Variants in CTIF observed in about 807,000 individuals in gnomAD.
CTIF encodes the protein CBP80/20-dependent translation initiation factor.
A neutral mutation model predicts 66.0 loss-of-function variants in CTIF; 21 were observed. The ratio of observed to expected loss-of-function variants is 0.32; its 90% confidence interval spans 0.23 to 0.46. The LOEUF is 0.46. Ranked by LOEUF, CTIF falls within the 20% of genes least tolerant of loss-of-function variation. The pLI is 1.00. For missense variants in CTIF, 739 were observed against 812.7 expected (o/e 0.91, Z 1.10); for synonymous variants, 345 against 326.4 (o/e 1.06, Z -0.62).
At chr18:48,576,841 T>C (rs2089544136) in intron 1 of CTIF, among the ~76,000 whole-genome samples, 1 of 152,268 alleles carries the variant, frequency 6.6e-6, no homozygotes, top group South Asian at 2.1e-4. Flanking sequence ...GCTTGTCTTT[T>C]GTGTGGTTTT....
Position 48,811,574 on chromosome 18 carries a change from C to G in CTIF, c.1372-5647C>G, listed in dbSNP as rs575306174. Among the ~76,000 whole-genome samples the G allele has an allele frequency of 3.3e-5, 5 of 152,310 alleles. No individual in the cohort carries two copies. In the East Asian group the frequency reaches 5.8e-4, roughly 18 times the overall value. ...ATTAACCCCCCATGTCCCCTGCTCC[C>G]CAGCTCCTTGTAACCACCATTCTAC... On this transcript the variant is annotated intron_variant, in intron 9 of 11. Coordinates refer to ENST00000256413, the MANE Select transcript of CTIF (RefSeq NM_014772.3).
intron 10 of CTIF, among the ~76,000 whole-genome samples, chr18:48,856,850 G>A (rs1342240128): frequency 3.3e-5 from 5 of 152,206 alleles, no homozygotes; most frequent in Admixed American, 3.3e-4. Flanking sequence ...CACAATTCTG[G>A]GGATATCCTA....
At chr18:48,839,305 C>T (rs2068884734) in intron 10 of CTIF, among the ~76,000 whole-genome samples, 1 of 152,142 alleles carries the variant, frequency 6.6e-6, no homozygotes, top group African/African-American at 2.4e-5. Flanking sequence ...ACCCCACTCT[C>T]CTGGCTGTAG....
intron 9 of CTIF, among the ~76,000 whole-genome samples, chr18:48,786,209 G>A (rs4561537): frequency 0.093 from 14,206 of 152,196 alleles, 770 homozygotes; most frequent in African/African-American, 0.12. Flanking sequence ...TGTTCCTGGC[G>A]TTTGGGAGGG....
chr18:48,632,360 G>C (rs966387241), intron 2 of CTIF, among the ~76,000 whole-genome samples: 1 of 152,184 alleles, frequency 6.6e-6, no homozygotes, highest in African/African-American at 2.4e-5. Context: ...TCCTGCTGGG[G>C]GTTGTGCCCG....
At chr18:48,802,381 G>T (rs1488676092) in intron 9 of CTIF, among the ~76,000 whole-genome samples, 1 of 152,258 alleles carries the variant, frequency 6.6e-6, no homozygotes, top group Non-Finnish European at 1.5e-5. Context: ...GAATTCTGCA[G>T]AGACAACAAC....
intron 1 of CTIF, among the ~76,000 whole-genome samples, chr18:48,579,024 G>A (rs929831877): frequency 3.9e-5 from 6 of 152,044 alleles, no homozygotes; most frequent in Admixed American, 2.6e-4. Flanking sequence ...TTTTGTATAT[G>A]TTGTGAGCTA....
In CTIF at chr18:48,862,981, A is replaced by AAGAC. The variant is rs1045322632; in HGVS notation, c.*3424_*3427dup. ...TTGAGGACACAGATCAGAAGAAAGA[A>AAGAC]AGACAACTTTCCTCTGCGCGGAACA... On this transcript the variant is annotated 3_prime_UTR_variant, in exon 12 of 12. Transcript: ENST00000256413. The AAGAC allele has an allele frequency of 2.0e-5, 3 of 152,256 alleles. No individual in the cohort carries two copies. The highest frequency in any genetic ancestry group is 4.8e-5 in the African/African-American group (2 of 41,460). The allele number at this position is 152,256 out of a possible 1,614,324, so 9.4% of individuals were successfully genotyped here.
chr18:48,620,712 T>C (rs1386923127), intron 2 of CTIF, among the ~76,000 whole-genome samples: 1 of 152,218 alleles, frequency 6.6e-6, no homozygotes, highest in Admixed American at 6.5e-5. Flanking sequence ...GATCCGCCTC[T>C]CGTGCGTGTT....
intron 1 of CTIF, among the ~76,000 whole-genome samples, chr18:48,552,173 C>G (rs367852200): frequency 1.1e-4 from 17 of 152,348 alleles, no homozygotes; most frequent in Admixed American, 7.8e-4. Context: ...CATGTGCTGT[C>G]TTCATTAGCC....
chr18:48,571,606 A>T (rs2089417117), intron 1 of CTIF, among the ~76,000 whole-genome samples: 2 of 152,186 alleles, frequency 1.3e-5, no homozygotes, highest in Non-Finnish European at 2.9e-5. Flanking sequence ...ATATTCCATC[A>T]GTGTCTTCCA....
chr18:48,658,095 C>T (rs2091274094), intron 3 of CTIF, among the ~76,000 whole-genome samples: 3 of 151,972 alleles, frequency 2.0e-5, no homozygotes, highest in Admixed American at 1.3e-4. Context: ...TTTGGACATT[C>T]GAGGGTTTGT....
intron 7 of CTIF, among the ~76,000 whole-genome samples, chr18:48,752,158 A>G (rs1238730973): frequency 6.6e-6 from 1 of 152,192 alleles, no homozygotes; most frequent in African/African-American, 2.4e-5. Context: ...CAAAGACCTC[A>G]ATCTTGAATT....
intron 1 of CTIF, among the ~76,000 whole-genome samples, chr18:48,594,945 T>C (rs1223326247): frequency 6.6e-6 from 1 of 152,174 alleles, no homozygotes; most frequent in African/African-American, 2.4e-5. Flanking sequence ...TGTCAGGGCC[T>C]GCTGGGCCCT....
intron 9 of CTIF, among the ~76,000 whole-genome samples, chr18:48,810,898 G>T: frequency 6.6e-6 from 1 of 150,992 alleles, no homozygotes; most frequent in African/African-American, 2.4e-5. Context: ...ATTTTCATTT[G>T]CTCACTCTTG....
At chr18:48,836,577 C>T (rs76053358) in intron 10 of CTIF, among the ~76,000 whole-genome samples, 2,321 of 152,344 alleles carry the variant, frequency 0.015, 53 homozygotes, top group African/African-American at 0.053. Flanking sequence ...CAGGTCCCAA[C>T]ATCCCACCAG....
chr18:48,669,996 A>G (rs77164318), intron 5 of CTIF, among the ~76,000 whole-genome samples: 3,431 of 151,352 alleles, frequency 0.023, 135 homozygotes, highest in African/African-American at 0.08. Context: ...GAGGAAACTC[A>G]TTTGATGAAA....
At chr18:48,664,332 C>G in intron 4 of CTIF, 115 bp from the exon 5 acceptor site, 4 of 891,846 alleles carry the variant, frequency 4.5e-6, no homozygotes, top group Non-Finnish European at 7.2e-6. Context: ...CGCCTGGCCC[C>G]TGGCGGCTCC....
chr18:48,804,636 C>T (rs1223155220), intron 9 of CTIF, among the ~76,000 whole-genome samples: 1 of 152,232 alleles, frequency 6.6e-6, no homozygotes, highest in Non-Finnish European at 1.5e-5. Flanking sequence ...AGATACGTTG[C>T]ACATGTTACT....
Sources: gnomAD v4.1 joint callset for allele counts (sites outside exome capture counted in the v4.1 genomes callset) on GRCh38, gnomAD v4.1.1 for gene constraint, MANE v1.5 for transcripts, NCBI Gene and HGNC (gene_info 2026-07-23, HGNC 2026-07-21) for gene names.